ZC3H12B: variants seen among roughly 807,000 people sequenced by gnomAD.
ZC3H12B encodes probable ribonuclease ZC3H12B.
A neutral mutation model predicts 43.9 loss-of-function variants in ZC3H12B; 7 were observed. That is an observed-to-expected ratio of 0.16 (90% CI 0.09 to 0.30). The LOEUF (loss-of-function observed/expected upper bound fraction) is 0.30, where lower values mean the gene tolerates loss of function less well. ZC3H12B is among the 10% of genes least tolerant of loss of function. The probability of loss-of-function intolerance (pLI) is 1.00; values close to 1 mark genes in which losing one functional copy is unlikely to be tolerated. For missense variants in ZC3H12B, 475 were observed against 670.2 expected (o/e 0.71, Z 3.22); for synonymous variants, 222 against 241.7 (o/e 0.92, Z 0.76).
chrX:65,130,588 C>T, the ZC3H12B span, among the ~76,000 whole-genome samples: 2 of 111,433 alleles, frequency 1.8e-5, no homozygotes, highest in Non-Finnish European at 3.8e-5. Context: ...TGAGAAGTGA[C>T]TTCCTTGAGG....
At chrX:65,290,661 G>T in the ZC3H12B span, among the ~76,000 whole-genome samples, 3 of 111,271 alleles carry the variant, frequency 2.7e-5, no homozygotes, top group Non-Finnish European at 3.8e-5. Flanking sequence ...CAATGGAATA[G>T]TTTTATCCAT....
the ZC3H12B span, among the ~76,000 whole-genome samples, chrX:65,246,811 C>G: frequency 8.9e-6 from 1 of 111,877 alleles, no homozygotes; most frequent in African/African-American, 3.3e-5. Context: ...TCCTGAAAGA[C>G]AATCTAGGCA....
the ZC3H12B span, among the ~76,000 whole-genome samples, chrX:65,276,251 G>A: frequency 9.8e-4 from 109 of 111,450 alleles, no homozygotes; most frequent in Admixed American, 2.5e-3. Flanking sequence ...AGAAAGAGAA[G>A]GGAAAAGCTG....
chrX:65,453,644 C>T (rs1319950478), intron 3 of ZC3H12B, among the ~76,000 whole-genome samples: 1 of 107,635 alleles, frequency 9.3e-6, no homozygotes, highest in Non-Finnish European at 1.9e-5. Flanking sequence ...ATTGTTTGAA[C>T]ACAGGAGGCA....
the ZC3H12B span, among the ~76,000 whole-genome samples, chrX:65,307,604 G>A: frequency 2.7e-5 from 3 of 111,585 alleles, no homozygotes; most frequent in South Asian, 1.1e-3. Flanking sequence ...AGAATAAAAT[G>A]ATCCTGGGGA....
the ZC3H12B span, among the ~76,000 whole-genome samples, chrX:65,167,194 T>C: frequency 7.1e-5 from 8 of 112,090 alleles, no homozygotes; most frequent in South Asian, 3.7e-4. Flanking sequence ...TTTAAGTCTT[T>C]AATCCATCTT....
chrX:65,372,855 T>A (rs1393666161), intron 2 of ZC3H12B, among the ~76,000 whole-genome samples: 1 of 111,907 alleles, frequency 8.9e-6, no homozygotes. Context: ...TCTTTTTACA[T>A]TGCTAAATTA....
chrX:65,408,196 G>A (rs1473136639), intron 3 of ZC3H12B: 2 of 1,198,117 alleles, frequency 1.7e-6, no homozygotes, highest in Admixed American at 2.2e-5. Context: ...TCCTGCAGGC[G>A]CAGTATCACA....
the ZC3H12B span, among the ~76,000 whole-genome samples, chrX:65,359,389 GA>G: frequency 9.0e-6 from 1 of 111,706 alleles, no homozygotes; most frequent in African/African-American, 3.3e-5. Flanking sequence ...ATGAACCTGG[GA>G]AAAAGTAAAT....
chrX:65,095,084 A>C, the ZC3H12B span, among the ~76,000 whole-genome samples: 3 of 112,209 alleles, frequency 2.7e-5, no homozygotes, highest in African/African-American at 6.5e-5. Context: ...AATTTTGGGA[A>C]ACTTTAATCT....
At chrX:65,138,660 CCATA>C in the ZC3H12B span, among the ~76,000 whole-genome samples, 2 of 111,868 alleles carry the variant, frequency 1.8e-5, no homozygotes, top group Admixed American at 9.5e-5. Flanking sequence ...CGAAGAACCT[CCATA>C]CAGTTTTTCA....
chrX:65,249,736 G>A, the ZC3H12B span, among the ~76,000 whole-genome samples: 509 of 107,495 alleles, frequency 4.7e-3, 1 homozygote, highest in Non-Finnish European at 8.1e-3. Flanking sequence ...TCTTTCATCA[G>A]TGTTTTATAG....
chrX:65,408,561 G>A (rs1052701646), intron 3 of ZC3H12B: 2 of 1,188,743 alleles, frequency 1.7e-6, no homozygotes, highest in East Asian at 3.0e-5. Context: ...CCCCTCGGGG[G>A]CAGTGCCGGT....
chrX:65,094,415 G>T, the ZC3H12B span, among the ~76,000 whole-genome samples: 2 of 111,248 alleles, frequency 1.8e-5, no homozygotes, highest in Non-Finnish European at 3.8e-5. Context: ...CTCCAAGTTT[G>T]ATTACAAAAC....
At chrX:65,363,789 C>T (rs900913840), upstream of ZC3H12B, among the ~76,000 whole-genome samples, 2 of 111,852 alleles carry the variant, frequency 1.8e-5, no homozygotes, top group South Asian at 7.5e-4. Flanking sequence ...TTTTGGAGGC[C>T]CTCAAAATCA....
chrX:65,034,850 G>C, the ZC3H12B span: 1 of 113,289 alleles, frequency 8.8e-6, no homozygotes, highest in Non-Finnish European at 1.9e-5. Flanking sequence ...AGGAGGAGCA[G>C]GAGGATGCAG....
the ZC3H12B span, among the ~76,000 whole-genome samples, chrX:65,160,614 T>G: frequency 5.4e-5 from 6 of 111,895 alleles, no homozygotes; most frequent in Non-Finnish European, 9.4e-5. Context: ...GATATCCCCT[T>G]TATCATTTTT....
chrX:65,406,621 A>ACCGGGCGGGG (rs2066829266), intron 3 of ZC3H12B, among the ~76,000 whole-genome samples: 2 of 22,495 alleles, frequency 8.9e-5, no homozygotes, highest in African/African-American at 1.1e-3. Flanking sequence ...GCTGGGCGGG[A>ACCGGGCGGGG]CTGGGCGGGG....
chrX:65,283,514 G>C, the ZC3H12B span, among the ~76,000 whole-genome samples: 3 of 111,428 alleles, frequency 2.7e-5, no homozygotes, highest in African/African-American at 9.8e-5. Flanking sequence ...TAATAAATTA[G>C]GAAAAGAGGA....
Sources: gnomAD v4.1 joint callset for allele counts (sites outside exome capture counted in the v4.1 genomes callset) on GRCh38, gnomAD v4.1.1 for gene constraint, MANE v1.5 for transcripts, NCBI Gene and HGNC (gene_info 2026-07-23, HGNC 2026-07-21) for gene names.